Variants in FRMD4A observed in about 807,000 individuals in gnomAD.
FRMD4A encodes FERM domain-containing protein 4A.
A neutral mutation model predicts 129.1 loss-of-function variants in FRMD4A; 29 were observed. The observed-to-expected ratio is 0.22, with a 90% CI of 0.17 to 0.31. The LOEUF (loss-of-function observed/expected upper bound fraction) is 0.31. Among genes scored for constraint, FRMD4A ranks in the 10% least tolerant of loss-of-function variants. The probability of loss-of-function intolerance (pLI) is 1.00; values close to 1 mark genes in which losing one functional copy is unlikely to be tolerated. For missense variants in FRMD4A, 1,272 were observed against 1,375.8 expected, an observed-to-expected ratio of 0.92 and a Z score of 1.19; for synonymous variants, 634 against 571.6, an observed-to-expected ratio of 1.11 and a Z score of -1.56.
intron 2 of FRMD4A, among the ~76,000 whole-genome samples, chr10:13,874,195 G>A (rs1199021327): frequency 5.2e-5 from 7 of 135,830 alleles, no homozygotes; most frequent in East Asian, 4.5e-4. Flanking sequence ...GTGGTGAGCC[G>A]AGATTGCACG....
chr10:14,114,385 G>A (rs1838090791), intron 2 of FRMD4A, among the ~76,000 whole-genome samples: 1 of 152,176 alleles, frequency 6.6e-6, no homozygotes, highest in Non-Finnish European at 1.5e-5. Flanking sequence ...CAGCGGAAAG[G>A]GCATATACCC....
chr10:13,822,194 C>T (rs2093639354), intron 3 of FRMD4A, among the ~76,000 whole-genome samples: 1 of 152,202 alleles, frequency 6.6e-6, no homozygotes, highest in African/African-American at 2.4e-5. Flanking sequence ...CATCACCTAT[C>T]ATACTTACGA....
chr10:14,009,298 T>C (rs148826768), intron 2 of FRMD4A, among the ~76,000 whole-genome samples: 5 of 150,282 alleles, frequency 3.3e-5, no homozygotes, highest in African/African-American at 1.2e-4. Flanking sequence ...TTCCAGGATA[T>C]GGGGTATGTT....
intron 6 of FRMD4A, among the ~76,000 whole-genome samples, chr10:13,770,008 TAAG>T (rs1479716255): frequency 1.3e-5 from 2 of 152,150 alleles, no homozygotes; most frequent in African/African-American, 4.8e-5. Flanking sequence ...CAACTCCTCA[TAAG>T]AAGTCTCTTT....
chr10:13,801,910 G>A (rs2093263001), intron 4 of FRMD4A, among the ~76,000 whole-genome samples: 1 of 144,442 alleles, frequency 6.9e-6, no homozygotes, highest in Non-Finnish European at 1.5e-5. Flanking sequence ...CCTTAATACA[G>A]TTTAACTAAG....
intron 2 of FRMD4A, among the ~76,000 whole-genome samples, chr10:14,297,617 C>A (rs1002392220): frequency 3.9e-5 from 6 of 152,180 alleles, no homozygotes; most frequent in African/African-American, 1.4e-4. Context: ...GGACCCCAGG[C>A]CTTTTTCAAA....
chr10:13,696,195 C>T (rs972287498), intron 14 of FRMD4A, among the ~76,000 whole-genome samples: 1 of 152,166 alleles, frequency 6.6e-6, no homozygotes, highest in Non-Finnish European at 1.5e-5. Context: ...TTTGGCTTGC[C>T]GCAGAAGGAA....
At chr10:14,278,727 G>A (rs1273599987) in intron 2 of FRMD4A, among the ~76,000 whole-genome samples, 1 of 152,196 alleles carries the variant, frequency 6.6e-6, no homozygotes, top group African/African-American at 2.4e-5. Flanking sequence ...CCACGAGAAA[G>A]AGGCTGTGCA....
intron 2 of FRMD4A, among the ~76,000 whole-genome samples, chr10:14,143,249 A>G (rs1206411494): frequency 6.6e-6 from 1 of 152,236 alleles, no homozygotes; most frequent in Admixed American, 6.5e-5. Context: ...CCAACAGATG[A>G]ACGAATAAAC....
At position 13,856,321 on chromosome 10, in the gene FRMD4A, T is replaced by C. The variant is rs190067436; in HGVS notation, c.111+2526A>G. 6.6e-5 allele frequency among the ~76,000 whole-genome samples: 10 copies of C among 152,032 alleles called. No homozygotes were observed. In the East Asian group the frequency reaches 1.7e-3, roughly 26 times the overall value. ...GGCAAGAAGTCTTTGGGGGAAGTCATGTCAAGACATCTTAGGTTTGTCCAT... is the reference window on the plus strand; with the variant it reads ...GGCAAGAAGTCTTTGGGGGAAGTCACGTCAAGACATCTTAGGTTTGTCCAT... On this transcript the variant is annotated intron_variant, in intron 3 of 24. Coordinates refer to ENST00000357447, the MANE Select transcript of FRMD4A (RefSeq NM_018027.5).
chr10:13,765,495 C>T (rs1316770749), intron 6 of FRMD4A, among the ~76,000 whole-genome samples: 2 of 152,160 alleles, frequency 1.3e-5, no homozygotes, highest in Non-Finnish European at 2.9e-5. Context: ...TCAAGCACAC[C>T]TGGATCTTTT....
chr10:13,685,925 A>T (rs1473350545), intron 15 of FRMD4A, among the ~76,000 whole-genome samples: 6 of 152,114 alleles, frequency 3.9e-5, no homozygotes, highest in Non-Finnish European at 7.3e-5. Flanking sequence ...ATAGCTGTGT[A>T]AATGACTTTG....
intron 2 of FRMD4A, among the ~76,000 whole-genome samples, chr10:13,977,696 T>A (rs2095546811): frequency 6.6e-6 from 1 of 152,234 alleles, no homozygotes; most frequent in Non-Finnish European, 1.5e-5. Context: ...ACTGGCAGCC[T>A]TTAGTCTCCT....
chr10:13,999,851 T>A (rs2095635379), intron 2 of FRMD4A, among the ~76,000 whole-genome samples: 1 of 152,232 alleles, frequency 6.6e-6, no homozygotes, highest in Non-Finnish European at 1.5e-5. Context: ...GACACGGATG[T>A]TCGTCTGCAT....
At chr10:13,688,103 C>A (rs144981385) in intron 15 of FRMD4A, among the ~76,000 whole-genome samples, 1 of 152,228 alleles carries the variant, frequency 6.6e-6, no homozygotes. Context: ...GCAGGACTGT[C>A]AAGAATCTGG....
intron 2 of FRMD4A, among the ~76,000 whole-genome samples, chr10:14,269,605 C>A (rs747101719): frequency 1.3e-5 from 2 of 152,056 alleles, no homozygotes; most frequent in South Asian, 2.1e-4. Context: ...AAGTTATCTG[C>A]GTCTAAGGGA....
intron 2 of FRMD4A, among the ~76,000 whole-genome samples, chr10:14,210,334 C>T (rs535382311): frequency 1.9e-4 from 29 of 152,258 alleles, no homozygotes; most frequent in Non-Finnish European, 3.4e-4. Flanking sequence ...AATCTGCTGG[C>T]GCCTTGGTCT....
At chr10:14,283,302 CA>C (rs1236373743) in intron 2 of FRMD4A, among the ~76,000 whole-genome samples, 1 of 152,174 alleles carries the variant, frequency 6.6e-6, no homozygotes, top group African/African-American at 2.4e-5. Context: ...TGACTTCTGC[CA>C]GTTTTGTGGT....
chr10:13,905,769 A>C (rs2131208690), intron 2 of FRMD4A, among the ~76,000 whole-genome samples: 1 of 152,318 alleles, frequency 6.6e-6, no homozygotes, highest in South Asian at 2.1e-4. Flanking sequence ...ATTTGTATCC[A>C]AGTCAATTTT....
Sources: gnomAD v4.1 joint callset for allele counts (sites outside exome capture counted in the v4.1 genomes callset) on GRCh38, gnomAD v4.1.1 for gene constraint, MANE v1.5 for transcripts, NCBI Gene and HGNC (gene_info 2026-07-23, HGNC 2026-07-21) for gene names.